The following NCOR2 variants were observed in gnomAD, a reference collection of about 807,000 sequenced individuals.
NCOR2 encodes nuclear receptor corepressor 2, also known as CTG repeat protein 26.
A neutral mutation model predicts 262.9 loss-of-function variants in NCOR2; 81 were observed. The ratio of observed to expected loss-of-function variants is 0.31; its 90% CI spans 0.26 to 0.37. NCOR2 has a LOEUF of 0.37. NCOR2 is among the 10% of genes least tolerant of loss of function. NCOR2 has a pLI of 1.00. For synonymous variants in NCOR2, 1,659 were observed against 1,559.3 expected (o/e 1.06, Z -1.51); for missense variants, 3,385 against 3,621.4 (o/e 0.93, Z 1.68).
chr12:124,489,368 T>A (rs1334439912), intron 1 of NCOR2, among the ~76,000 whole-genome samples: 1 of 152,196 alleles, frequency 6.6e-6, no homozygotes, highest in Non-Finnish European at 1.5e-5. Context: ...AGGTGGGTAT[T>A]ACAAGAAGCC....
At chr12:124,544,532 G>A (rs922212858) in intron 1 of NCOR2, among the ~76,000 whole-genome samples, 10 of 152,212 alleles carry the variant, frequency 6.6e-5, no homozygotes, top group African/African-American at 2.4e-4. Context: ...GGGATATTCA[G>A]GGTGGGAGGG....
chr12:124,411,342 A>C (rs574290437), intron 13 of NCOR2, among the ~76,000 whole-genome samples: 1 of 152,318 alleles, frequency 6.6e-6, no homozygotes, highest in Non-Finnish European at 1.5e-5. Flanking sequence ...TGGGCAGAGC[A>C]GACCCAGAGG....
chr12:124,394,296 A>G (rs989524273), intron 16 of NCOR2, among the ~76,000 whole-genome samples: 2 of 152,244 alleles, frequency 1.3e-5, no homozygotes, highest in African/African-American at 4.8e-5. Context: ...AGGGTGAAAC[A>G]GATGGGCCAG....
chr12:124,354,507 G>C (rs1158356212), exon 26 of NCOR2: 8 of 1,587,530 alleles, frequency 5.0e-6, no homozygotes, highest in Non-Finnish European at 6.0e-6. Flanking sequence ...CTGGGCTGTG[G>C]GCACCCCCAG....
At chr12:124,371,893 C>T in intron 20 of NCOR2, 129 bp downstream of exon 22, 1 of 946,222 alleles carries the variant, frequency 1.1e-6, no homozygotes, top group African/African-American at 1.7e-5. Context: ...CCAAGTCTGC[C>T]TCCCTAACCA....
At chr12:124,386,322 C>T (rs139671416) in intron 16 of NCOR2, among the ~76,000 whole-genome samples, 7 of 152,190 alleles carry the variant, frequency 4.6e-5, no homozygotes, top group Non-Finnish European at 8.8e-5. Context: ...CTCACAGCTG[C>T]AGGCGAGGCC....
intron 1 of NCOR2, among the ~76,000 whole-genome samples, chr12:124,487,495 C>CGGCCTT (rs1177867705): frequency 2.6e-5 from 4 of 152,270 alleles, no homozygotes; most frequent in Admixed American, 6.5e-5. Context: ...TACGGGGCCT[C>CGGCCTT]GGCCTTGGCC....
rs1173490315 is a variant in NCOR2 at position 124,563,557 on chromosome 12, A to C, written c.-165+3751T>G. Among the ~76,000 whole-genome samples the C allele has an allele frequency of 3.1e-4, 47 of 152,266 alleles. 1 individual carries two copies. Among genetic ancestry groups the C allele is most frequent in the Admixed American group, 3.1e-3 (47 of 15,288 alleles). ...AAGCCCTCCGGCTACACAGTACCCG[A>C]GGGCAACGCGCCCAGCCTATGGGCA... On this transcript the variant is annotated intron_variant, in intron 1 of 32. Coordinates refer to the NCOR2 transcript ENST00000458234.
At chr12:124,464,490 G>T (rs1485984909) in intron 5 of NCOR2, among the ~76,000 whole-genome samples, 1 of 152,250 alleles carries the variant, frequency 6.6e-6, no homozygotes, top group East Asian at 1.9e-4. Context: ...CAATCTCAGG[G>T]AGGTCTCCTT....
At chr12:124,491,882 T>C (rs1396355014) in intron 1 of NCOR2, among the ~76,000 whole-genome samples, 4 of 151,888 alleles carry the variant, frequency 2.6e-5, no homozygotes, top group African/African-American at 7.3e-5. Flanking sequence ...CCCCTGAGGA[T>C]GGAGAGAATG....
chr12:124,352,372 G>A (rs571930169), intron 27 of NCOR2, among the ~76,000 whole-genome samples: 6 of 152,020 alleles, frequency 3.9e-5, no homozygotes, highest in African/African-American at 1.5e-4. Flanking sequence ...TGAAACTGAG[G>A]CATCTGATTT....
intron 4 of NCOR2, among the ~76,000 whole-genome samples, chr12:124,470,193 G>A (rs11057629): frequency 0.62 from 93,563 of 150,632 alleles, 29,875 homozygotes; most frequent in Non-Finnish European, 0.69. Context: ...AAGCTGGGGG[G>A]CGGTCGGTGA....
chr12:124,391,239 G>A (rs1419556662), intron 16 of NCOR2, among the ~76,000 whole-genome samples: 1 of 151,992 alleles, frequency 6.6e-6, no homozygotes, highest in Non-Finnish European at 1.5e-5. Flanking sequence ...GTTTTCTCTG[G>A]AAGTCAGCCC....
intron 44 of NCOR2, chr12:124,329,083 T>C (rs1283035009): frequency 2.1e-6 from 1 of 469,898 alleles, no homozygotes; most frequent in East Asian, 6.9e-5. Context: ...ACGATCTCCA[T>C]TTATAAAGGT....
chr12:124,426,743 C>T, exon 11 of NCOR2: 1 of 1,606,886 alleles, frequency 6.2e-7, no homozygotes, highest in South Asian at 1.1e-5. Context: ...CGCTGCTGGT[C>T]AGCGTCGTAC....
chr12:124,343,342 T>G, intron 32 of NCOR2, 116 bp from the exon 35 acceptor site: 1 of 746,504 alleles, frequency 1.3e-6, no homozygotes, highest in Non-Finnish European at 2.1e-6. Context: ...ACTCCTTCAT[T>G]TCTTCATTGC....
intron 13 of NCOR2, among the ~76,000 whole-genome samples, chr12:124,414,414 G>A (rs1413351159): frequency 6.6e-6 from 1 of 152,122 alleles, no homozygotes; most frequent in Non-Finnish European, 1.5e-5. Flanking sequence ...CACCATCATC[G>A]CCATCGCCAC....
chr12:124,325,980 C>T (rs2034602247), intron 46 of NCOR2: 1 of 526,286 alleles, frequency 1.9e-6, no homozygotes, highest in African/African-American at 2.0e-5. Flanking sequence ...CCCAACCACA[C>T]CCTTTTCCTC....
At chr12:124,419,979 T>C (rs1455558385) in exon 13 of NCOR2, 1 of 1,613,932 alleles carries the variant, frequency 6.2e-7, no homozygotes, top group South Asian at 1.1e-5. Context: ...GCGGCGCCGA[T>C]AGCTCCGTCT....
Sources: allele counts gnomAD v4.1 joint callset (sites outside exome capture counted in the v4.1 genomes callset), GRCh38; gene constraint gnomAD v4.1.1; transcripts MANE v1.5; gene names NCBI Gene and HGNC (gene_info 2026-07-23, HGNC 2026-07-21).